Variants in ERC2 observed in about 807,000 individuals in gnomAD.
The protein encoded by ERC2 is ERC protein 2.
A neutral mutation model predicts 114.8 loss-of-function variants in ERC2; 42 were observed. The ratio of observed to expected loss-of-function variants is 0.37; its 90% CI spans 0.29 to 0.47. ERC2 has a LOEUF of 0.47. Among genes scored for constraint, ERC2 ranks in the 20% least tolerant of loss-of-function variants. The pLI is 0.99. For missense variants in ERC2, 939 were observed against 1,150.7 expected (o/e 0.82, Z 2.66); for synonymous variants, 454 against 425.5 (o/e 1.07, Z -0.82).
chr3:55,851,734 G>T (rs1229998388), intron 14 of ERC2, among the ~76,000 whole-genome samples: 1 of 151,104 alleles, frequency 6.6e-6, no homozygotes, highest in Non-Finnish European at 1.5e-5. Context: ...CATTAGAGTT[G>T]ACCACAACAA....
intron 17 of ERC2, among the ~76,000 whole-genome samples, chr3:55,668,129 A>G (rs992588206): frequency 6.6e-6 from 1 of 152,102 alleles, no homozygotes; most frequent in Non-Finnish European, 1.5e-5. Flanking sequence ...AATTTTATAT[A>G]TATATATGTA....
At chr3:55,806,544 A>G (rs2059500388) in intron 14 of ERC2, among the ~76,000 whole-genome samples, 1 of 152,114 alleles carries the variant, frequency 6.6e-6, no homozygotes, top group Admixed American at 6.5e-5. Flanking sequence ...CGGGATTCTC[A>G]CCCAGGGGTG....
intron 17 of ERC2, among the ~76,000 whole-genome samples, chr3:55,610,002 G>A (rs1367525719): frequency 6.7e-6 from 1 of 150,056 alleles, no homozygotes; most frequent in East Asian, 2.0e-4. Context: ...GCATCAAAAT[G>A]GGGCATTTTC....
At chr3:55,798,753 T>C (rs2070732041) in intron 14 of ERC2, among the ~76,000 whole-genome samples, 1 of 152,044 alleles carries the variant, frequency 6.6e-6, no homozygotes, top group Admixed American at 6.6e-5. Context: ...ATTGGGTGAA[T>C]CAAGGATGAG....
At chr3:55,868,532 C>A (rs1251081357) in intron 14 of ERC2, among the ~76,000 whole-genome samples, 1 of 152,232 alleles carries the variant, frequency 6.6e-6, no homozygotes, top group African/African-American at 2.4e-5. Flanking sequence ...GGCTCTCCCT[C>A]CCTCCCGGCT....
chr3:55,957,752 G>A (rs377285162), intron 12 of ERC2, among the ~76,000 whole-genome samples: 18 of 152,258 alleles, frequency 1.2e-4, no homozygotes, highest in East Asian at 3.9e-4. Context: ...AGCTCCAGGC[G>A]CCTGCTCCGT....
At chr3:56,190,956 G>T (rs1192652325) in intron 3 of ERC2, among the ~76,000 whole-genome samples, 2 of 152,140 alleles carry the variant, frequency 1.3e-5, no homozygotes, top group Non-Finnish European at 2.9e-5. Context: ...AGTACAGAGG[G>T]CACCAAGATA....
At chr3:55,518,199 G>T (rs1425739477) in intron 17 of ERC2, among the ~76,000 whole-genome samples, 1 of 152,138 alleles carries the variant, frequency 6.6e-6, no homozygotes, top group Non-Finnish European at 1.5e-5. Context: ...CTAGTCAATT[G>T]TTACTGTACA....
intron 6 of ERC2, among the ~76,000 whole-genome samples, chr3:56,094,040 T>C (rs1200299767): frequency 1.3e-5 from 2 of 152,182 alleles, no homozygotes; most frequent in African/African-American, 2.4e-5. Flanking sequence ...AAGATCTTCT[T>C]TAAATTGATT....
chr3:55,752,996 T>C (rs1341072364), intron 14 of ERC2, among the ~76,000 whole-genome samples: 2 of 152,166 alleles, frequency 1.3e-5, no homozygotes, highest in Non-Finnish European at 2.9e-5. Context: ...ATTGTATATT[T>C]ATTTCATTTC....
intron 14 of ERC2, among the ~76,000 whole-genome samples, chr3:55,773,731 T>TA (rs924373212): frequency 2.0e-5 from 3 of 152,136 alleles, no homozygotes; most frequent in African/African-American, 7.2e-5. Context: ...ATTTGTTTTT[T>TA]AAAAAAAATC....
At chr3:55,555,702 G>A (rs756103020) in intron 17 of ERC2, among the ~76,000 whole-genome samples, 6 of 152,122 alleles carry the variant, frequency 3.9e-5, no homozygotes, top group African/African-American at 9.7e-5. Flanking sequence ...TTAGTGTGAC[G>A]GCAAGTGAAC....
chr3:55,874,991 C>G (rs1441904665), intron 14 of ERC2, among the ~76,000 whole-genome samples: 1 of 152,102 alleles, frequency 6.6e-6, no homozygotes, highest in African/African-American at 2.4e-5. Flanking sequence ...CTCCCATCAC[C>G]TGAAGTGCCT....
At chr3:55,783,076 C>T (rs1045728049) in intron 14 of ERC2, among the ~76,000 whole-genome samples, 1 of 152,162 alleles carries the variant, frequency 6.6e-6, no homozygotes, top group African/African-American at 2.4e-5. Flanking sequence ...CAGTTGTCCC[C>T]GGAGGTGTGC....
At chr3:55,651,344 G>C (rs138040967) in intron 17 of ERC2, among the ~76,000 whole-genome samples, 54 of 152,248 alleles carry the variant, frequency 3.5e-4, no homozygotes, top group African/African-American at 1.3e-3. Context: ...CATACAATCA[G>C]GGCTTTGTTT....
At chr3:56,336,762 A>G (rs2057870203) in intron 2 of ERC2, among the ~76,000 whole-genome samples, 1 of 152,106 alleles carries the variant, frequency 6.6e-6, no homozygotes, top group South Asian at 2.1e-4. Flanking sequence ...ACGCCACTGC[A>G]CTCTAGCCTG....
chr3:56,247,590 A>G (rs1399142806), intron 3 of ERC2, among the ~76,000 whole-genome samples: 1 of 152,220 alleles, frequency 6.6e-6, no homozygotes, highest in Non-Finnish European at 1.5e-5. Flanking sequence ...TTATGCTTTC[A>G]TTAGAGAAAT....
At chr3:55,986,517 C>T (rs906227111) in intron 11 of ERC2, among the ~76,000 whole-genome samples, 2 of 152,102 alleles carry the variant, frequency 1.3e-5, no homozygotes, top group East Asian at 1.9e-4. Context: ...ATTTGGCTTT[C>T]GGTTCAAAGA....
intron 17 of ERC2, among the ~76,000 whole-genome samples, chr3:55,577,278 A>AG (rs1491208128): frequency 2.7e-5 from 4 of 149,116 alleles, no homozygotes; most frequent in South Asian, 2.1e-4. Flanking sequence ...AAAAAAAGAG[A>AG]AAAAAAAAAA....
Sources: gnomAD v4.1 joint callset for allele counts (sites outside exome capture counted in the v4.1 genomes callset) on GRCh38, gnomAD v4.1.1 for gene constraint, MANE v1.5 for transcripts, NCBI Gene and HGNC (gene_info 2026-07-23, HGNC 2026-07-21) for gene names.